Variants in UNC79 observed in about 807,000 individuals in gnomAD.
UNC79 encodes protein unc-79 homolog.
Under a neutral mutation model 283.1 loss-of-function variants are expected in UNC79, and 37 were observed. The ratio of observed to expected loss-of-function variants is 0.13; its 90% CI spans 0.10 to 0.17. UNC79 has a LOEUF of 0.17. Ranked by LOEUF, UNC79 falls within the 10% of genes least tolerant of loss-of-function variation. The probability of loss-of-function intolerance (pLI) is 1.00; values close to 1 mark genes in which losing one functional copy is unlikely to be tolerated. For missense variants in UNC79, 2,272 were observed against 3,211.1 expected (o/e 0.71, Z 7.07); for synonymous variants, 1,107 against 1,200.2 (o/e 0.92, Z 1.61).
chr14:93,564,129 C>A (rs559622419), intron 14 of UNC79, among the ~76,000 whole-genome samples: 7 of 151,844 alleles, frequency 4.6e-5, no homozygotes, highest in Non-Finnish European at 8.8e-5. Context: ...CCCTGCACTT[C>A]GGCTGTGTGC....
At position 93,482,018 on chromosome 14, in the gene UNC79, A is replaced by G. The variant is rs866340289; in HGVS notation, c.619+4290A>G. Among the ~76,000 whole-genome samples, 4 of 152,324 alleles carry G rather than the reference A, an allele frequency of 2.6e-5. No homozygotes were observed. In the South Asian group the frequency reaches 8.3e-4, roughly 32 times the overall value. On this transcript the variant is annotated intron_variant, in intron 4 of 48. Transcript: ENST00000555664. ...ATTAAGGATAACTTCCTGTGTCTAC[A>G]TCCCATGTTTGTTGTGAAGACCATG...
chr14:93,372,512 A>G (rs2054473451), intron 1 of UNC79, among the ~76,000 whole-genome samples: 2 of 152,254 alleles, frequency 1.3e-5, no homozygotes, highest in Admixed American at 1.3e-4. Context: ...AAGAGAAAGC[A>G]GGAGTAGCTA....
intron 9 of UNC79, among the ~76,000 whole-genome samples, chr14:93,528,960 A>G (rs2060671304): frequency 6.6e-6 from 1 of 152,222 alleles, no homozygotes; most frequent in African/African-American, 2.4e-5. Context: ...GTGGTTTCCA[A>G]ACATGACATA....
chr14:93,659,231 C>T (rs772973890), exon 39 of UNC79: 1 of 1,611,662 alleles, frequency 6.2e-7, no homozygotes, highest in South Asian at 1.1e-5. Context: ...TGATTTGCCT[C>T]TTGAAGATCC....
intron 1 of UNC79, among the ~76,000 whole-genome samples, chr14:93,380,221 TATA>T (rs896051996): frequency 2.0e-5 from 3 of 152,194 alleles, no homozygotes; most frequent in Admixed American, 2.0e-4. Flanking sequence ...TGAACCAAGA[TATA>T]ATATTCAATT....
At chr14:93,509,633 G>T (rs981208087) in intron 7 of UNC79, among the ~76,000 whole-genome samples, 4 of 152,170 alleles carry the variant, frequency 2.6e-5, no homozygotes, top group South Asian at 2.1e-4. Context: ...AAAATAATCT[G>T]CTTTGACTCC....
chr14:93,432,963 A>G (rs1421005255), intron 1 of UNC79, among the ~76,000 whole-genome samples: 5 of 152,200 alleles, frequency 3.3e-5, no homozygotes, highest in Admixed American at 2.6e-4. Flanking sequence ...AATGAATAAA[A>G]TCTATCTATG....
At chr14:93,705,920 C>A (rs1273627923) in intron 48 of UNC79, among the ~76,000 whole-genome samples, 2 of 152,168 alleles carry the variant, frequency 1.3e-5, no homozygotes, top group Non-Finnish European at 2.9e-5. Context: ...TGACCACAGC[C>A]TTTGAGTCCT....
chr14:93,415,967 G>A (rs901143481), intron 1 of UNC79, among the ~76,000 whole-genome samples: 6 of 151,912 alleles, frequency 3.9e-5, no homozygotes, highest in African/African-American at 1.5e-4. Flanking sequence ...CTTTCAAAAA[G>A]CCAGCTCCTG....
At chr14:93,400,198 T>C (rs2055079722) in intron 1 of UNC79, among the ~76,000 whole-genome samples, 1 of 152,220 alleles carries the variant, frequency 6.6e-6, no homozygotes, top group Non-Finnish European at 1.5e-5. Context: ...TGTTTTGGGA[T>C]GGTTTACCTG....
intron 7 of UNC79, among the ~76,000 whole-genome samples, chr14:93,501,803 A>G (rs2059305434): frequency 1.3e-5 from 2 of 152,236 alleles, no homozygotes; most frequent in South Asian, 4.1e-4. Flanking sequence ...TTTAAAACCT[A>G]TAATTAAGAT....
intron 1 of UNC79, among the ~76,000 whole-genome samples, chr14:93,449,896 T>C (rs1436012899): frequency 2.0e-5 from 3 of 152,152 alleles, no homozygotes; most frequent in Non-Finnish European, 4.4e-5. Context: ...CAGGAAATGT[T>C]CTATCTTTTA....
rs559875413 is a variant in UNC79 at position 93,484,491 on chromosome 14, A to G, written c.620-3172A>G. Among the ~76,000 whole-genome samples the G allele has an allele frequency of 3.0e-4, 46 of 152,376 alleles. 1 individual carries two copies. In the South Asian group the frequency reaches 9.1e-3, roughly 30 times the overall value. ...TAATATATTCAGAACTACAAAATGC[A>G]GGAACATATTAAGGCATTGTTACTA... On this transcript the variant is annotated intron_variant, in intron 4 of 48. Transcript: ENST00000555664.
intron 31 of UNC79, 115 bp downstream of exon 33, chr14:93,631,023 A>G: frequency 2.1e-6 from 2 of 970,982 alleles, no homozygotes; most frequent in Non-Finnish European, 1.6e-6. Flanking sequence ...ATGTTGCATC[A>G]GCTTCCTTGG....
chr14:93,335,812 C>G (rs561289585), intron 1 of UNC79, among the ~76,000 whole-genome samples: 115 of 152,312 alleles, frequency 7.6e-4, no homozygotes, highest in Admixed American at 1.4e-3. Context: ...TGAAACCAAC[C>G]CATCCCTGGT....
At chr14:93,526,603 A>C (rs1319425262) in intron 8 of UNC79, among the ~76,000 whole-genome samples, 1 of 152,192 alleles carries the variant, frequency 6.6e-6, no homozygotes, top group Non-Finnish European at 1.5e-5. Context: ...TAAACAAAAA[A>C]ATCCACTTAT....
chr14:93,608,482 A>T (rs2066048064), intron 26 of UNC79, among the ~76,000 whole-genome samples: 1 of 152,198 alleles, frequency 6.6e-6, no homozygotes, highest in South Asian at 2.1e-4. Flanking sequence ...AGGGATGGGG[A>T]TCATAGGAGG....
intron 1 of UNC79, among the ~76,000 whole-genome samples, chr14:93,442,919 T>A (rs1390782456): frequency 6.6e-6 from 1 of 152,032 alleles, no homozygotes; most frequent in Admixed American, 6.6e-5. Flanking sequence ...CAAAACCCTA[T>A]ATCTACTAAA....
At chr14:93,508,795 A>G (rs1024238204) in intron 7 of UNC79, among the ~76,000 whole-genome samples, 13 of 152,170 alleles carry the variant, frequency 8.5e-5, no homozygotes, top group Admixed American at 3.3e-4. Flanking sequence ...TGGATTTTCT[A>G]TATAGGCAAT....
Sources: gnomAD v4.1 joint callset for allele counts (sites outside exome capture counted in the v4.1 genomes callset) on GRCh38, gnomAD v4.1.1 for gene constraint, MANE v1.5 for transcripts, NCBI Gene and HGNC (gene_info 2026-07-23, HGNC 2026-07-21) for gene names.